The following SLC25A32 variants were observed in gnomAD, a reference collection of about 807,000 sequenced individuals.
The protein encoded by SLC25A32 is Glycine auxotroph B, complementation of hamster.
SLC25A32 carries 32 observed loss-of-function variants against 39.0 expected under a neutral mutation model. That is an observed-to-expected ratio of 0.82 (90% CI 0.62 to 1.10). The LOEUF (loss-of-function observed/expected upper bound fraction) is 1.10. Ranked by LOEUF, SLC25A32 falls within the 50% of genes least tolerant of loss-of-function variation. The pLI is 0.00. For missense variants in SLC25A32, 367 were observed against 395.3 expected (o/e 0.93, Z 0.61); for synonymous variants, 166 against 152.4 (o/e 1.09, Z -0.66).
At chr8:103,411,188 G>A (rs1259535986) in intron 1 of SLC25A32, among the ~76,000 whole-genome samples, 3 of 152,106 alleles carry the variant, frequency 2.0e-5, no homozygotes, top group South Asian at 2.1e-4. Context: ...CCTACTAAGC[G>A]TTCTGGTCAA....
chr8:103,415,006 C>G lies in SLC25A32; in HGVS notation c.-69G>C, dbSNP rs3814106. On this transcript the variant is annotated 5_prime_UTR_variant, in exon 1 of 7. Coordinates refer to ENST00000297578, the MANE Select transcript of SLC25A32 (RefSeq NM_030780.5). ...GTGGGACGCGATGCAGTGGCCGCCA[C>G]CGTGGCGACGGTCGCCCCTTGTGAG... The G allele has an allele frequency of 1.9e-6, 3 of 1,588,128 alleles. 1 individual carries two copies. The highest frequency in any genetic ancestry group is 2.3e-5 in the East Asian group (1 of 43,940).
At chr8:103,406,555 G>A (rs1586114334) in intron 2 of SLC25A32, among the ~76,000 whole-genome samples, 1 of 152,232 alleles carries the variant, frequency 6.6e-6, no homozygotes, top group Non-Finnish European at 1.5e-5. Context: ...GCTTCTTCAG[G>A]AGGCAGGTGA....
intron 1 of SLC25A32, among the ~76,000 whole-genome samples, chr8:103,408,983 T>C (rs1816399972): frequency 6.6e-6 from 1 of 152,212 alleles, no homozygotes; most frequent in Non-Finnish European, 1.5e-5. Context: ...TAATCTAGAT[T>C]ATAAATCTGG....
chr8:103,410,971 CCCTA>C (rs1474792975), intron 1 of SLC25A32, among the ~76,000 whole-genome samples: 3 of 152,164 alleles, frequency 2.0e-5, no homozygotes, highest in Non-Finnish European at 2.9e-5. Flanking sequence ...TTAATCTCCC[CCCTA>C]CCTGTGCTCT....
intron 1 of SLC25A32, among the ~76,000 whole-genome samples, chr8:103,410,989 TTGG>T (rs1563720385): frequency 1.3e-5 from 2 of 152,328 alleles, no homozygotes; most frequent in African/African-American, 4.8e-5. Flanking sequence ...GTGCTCTATA[TTGG>T]TGTTTTTAAA....
chr8:103,406,860 A>C (rs1816343282), intron 2 of SLC25A32, among the ~76,000 whole-genome samples: 1 of 152,204 alleles, frequency 6.6e-6, no homozygotes, highest in Non-Finnish European at 1.5e-5. Context: ...GTAATTAATG[A>C]TACTTCAGTA....
chr8:103,400,581 T>C, intron 6 of SLC25A32, 35 bp from the exon 7 acceptor site: 1 of 1,611,166 alleles, frequency 6.2e-7, no homozygotes, highest in African/African-American at 1.3e-5. Flanking sequence ...CTTAATTTTG[T>C]ATAGAGCTAG....
chr8:103,414,842 G>A lies in SLC25A32; in HGVS notation c.96C>T (p.Gly32=). The change falls in exon 1 of 7, where the codon GGC becomes GGT. Residue 32 remains glycine, a synonymous_variant. Coordinates refer to ENST00000297578, the MANE Select transcript of SLC25A32 (RefSeq NM_030780.5). ...RYENLIAGVS[G]GVLSNLALHP... is the part of the protein sequence containing the mutation. ...GCAGCGCAAGGTTGGATAAGACGCC[G>A]CCGCTCACGCCCGCTATCAGGTTCT... 6.2e-7 allele frequency: 1 copy of A among 1,613,792 alleles called. No individual in the cohort carries two copies. Among genetic ancestry groups the A allele is most frequent in the Non-Finnish European group, 8.5e-7 (1 of 1,180,024 alleles).
Position 103,401,568 on chromosome 8 carries a change from C to T in SLC25A32, c.760G>A (p.Asp254Asn). ...PYQVVRARLQ[D>N]QHMFYSGVID... ...ACACCACTGTAAAACATGTGTTGAT[C>T]CTGAAGACGAGCTCTTACGACTTGA... The change falls in exon 6 of 7, where the codon GAT becomes AAT. Residue 254 changes from aspartate (D) to asparagine (N), a missense_variant. Transcript: ENST00000297578. 1.9e-6 allele frequency: 3 copies of T among 1,613,860 alleles called. No homozygotes were observed. Among genetic ancestry groups the T allele is most frequent in the Non-Finnish European group, 2.5e-6 (3 of 1,179,840 alleles).
intron 1 of SLC25A32, among the ~76,000 whole-genome samples, chr8:103,408,202 G>A (rs578037060): frequency 6.6e-6 from 1 of 151,250 alleles, no homozygotes; most frequent in Non-Finnish European, 1.5e-5. Flanking sequence ...GGCCAGCCTG[G>A]TCTCAAACCC....
At chr8:103,404,941 G>C in intron 2 of SLC25A32, 80 bp from the exon 3 acceptor site, 1 of 908,360 alleles carries the variant, frequency 1.1e-6, no homozygotes, top group Non-Finnish European at 1.7e-6. Context: ...GTCAACAGCA[G>C]TACCCCAAAA....
Position 103,414,954 on chromosome 8 carries a change from G to A in SLC25A32, c.-17C>T, listed in dbSNP as rs1330289101. Reference sequence around the variant, plus strand: ...GCCCGTCATAGGCTCGGGGCCCGTCGACACCACGGCGCCCAGGGCCGCGGA... The same window carrying A: ...GCCCGTCATAGGCTCGGGGCCCGTCAACACCACGGCGCCCAGGGCCGCGGA... On this transcript the variant is annotated 5_prime_UTR_variant, in exon 1 of 7. Transcript: ENST00000297578. 1 of 1,592,628 alleles carries A rather than the reference G, an allele frequency of 6.3e-7. No homozygotes were observed.
chr8:103,407,958 A>AATAT (rs141189562), intron 1 of SLC25A32, among the ~76,000 whole-genome samples, 174 bp from the exon 2 acceptor site: 8 of 146,368 alleles, frequency 5.5e-5, no homozygotes, highest in Admixed American at 1.4e-4. Context: ...TATATATATA[A>AATAT]ATATATATAT....
chr8:103,408,829 C>T (rs938431863), intron 1 of SLC25A32, among the ~76,000 whole-genome samples: 2 of 152,170 alleles, frequency 1.3e-5, no homozygotes, highest in Non-Finnish European at 2.9e-5. Context: ...AATAACAAGT[C>T]CTTTTGATTC....
Position 103,414,841 on chromosome 8 carries a change from C to A in SLC25A32, c.97G>T (p.Gly33Cys), listed in dbSNP as rs1816560324. The stretch of plus-strand genomic sequence containing the variant: ...TGCAGCGCAAGGTTGGATAAGACGC[C>A]GCCGCTCACGCCCGCTATCAGGTTC... The part of the protein sequence containing the change: ...YENLIAGVSG[G>C]VLSNLALHPL... Residue 33 changes from glycine to cysteine, a missense_variant, in exon 1 of 7, where the codon GGC becomes TGC. Coordinates refer to ENST00000297578, the MANE Select transcript of SLC25A32 (RefSeq NM_030780.5). 3.7e-6 allele frequency: 6 copies of A among 1,613,668 alleles called. No homozygotes were observed. Among genetic ancestry groups the A allele is most frequent in the Non-Finnish European group, 5.1e-6 (6 of 1,180,038 alleles).
intron 5 of SLC25A32, 70 bp downstream of exon 5, chr8:103,401,871 A>C: frequency 7.7e-7 from 1 of 1,295,976 alleles, no homozygotes; most frequent in Non-Finnish European, 1.1e-6. Context: ...CAAAGTAAGC[A>C]TGACAAAAAT....
chr8:103,400,684 A>C (rs537280180), intron 6 of SLC25A32, 138 bp from the exon 7 acceptor site: 8 of 866,850 alleles, frequency 9.2e-6, no homozygotes, highest in Admixed American at 2.4e-5. Flanking sequence ...CAATGTCCTA[A>C]AGTAATGTAG....
chr8:103,401,516 C>T lies in SLC25A32; in HGVS notation c.812G>A (p.Arg271Lys). The T allele has an allele frequency of 6.2e-7, 1 of 1,612,226 alleles. No individual in the cohort carries two copies. Among genetic ancestry groups the T allele is most frequent in the Non-Finnish European group, 8.5e-7 (1 of 1,179,196 alleles). Residue 271 changes from arginine (R) to lysine (K), a missense_variant and splice_region_variant, in exon 6 of 7, where the codon AGG becomes AAG. By Grantham distance (26) the Arg-to-Lys change is conservative (BLOSUM62 2). Transcript: ENST00000297578. ...TTTTTGATATAGCACGTGCTCTCAC[C>T]TCCATGTCTTTGTGATTACATCTAT... ...GVIDVITKTW[R>K]KEGVGGFYKG...
In SLC25A32 at chr8:103,407,784, A is replaced by G. The variant is rs769587397; in HGVS notation, c.155T>C (p.Val52Ala). Reference protein sequence around the residue: ...PLDLVKIRFAVSDGLELRPKY... With the variant: ...PLDLVKIRFAASDGLELRPKY... ...CGGTCTCAGTTCCAATCCATCACTC[A>G]CTGCATCAAGGGATACACAAAGTCA... Residue 52 changes from valine (V) to alanine (A), a missense_variant and splice_region_variant, in exon 2 of 7, where the codon GTG (valine) becomes GCG (alanine). Transcript: ENST00000297578. The G allele has an allele frequency of 1.2e-6, 2 of 1,612,392 alleles. No homozygotes were observed. The highest frequency in any genetic ancestry group is 2.2e-5 in the South Asian group (2 of 90,970).
Sources: allele counts gnomAD v4.1 joint callset (sites outside exome capture counted in the v4.1 genomes callset), GRCh38; gene constraint gnomAD v4.1.1; transcripts MANE v1.5; gene names NCBI Gene and HGNC (gene_info 2026-07-23, HGNC 2026-07-21).